Variants in IFFO1 observed in about 807,000 individuals in gnomAD.
IFFO1 encodes non-homologous end joining factor IFFO1.
A neutral mutation model predicts 59.6 loss-of-function variants in IFFO1; 42 were observed. The observed-to-expected ratio is 0.70, with a 90% CI of 0.55 to 0.91. The LOEUF (loss-of-function observed/expected upper bound fraction) is 0.91. Among genes scored for constraint, IFFO1 ranks in the 40% least tolerant of loss-of-function variants. The pLI is 0.00. For synonymous variants in IFFO1, 336 were observed against 342.8 expected (o/e 0.98, Z 0.22); for missense variants, 711 against 793.2 (o/e 0.90, Z 1.24).
intron 8 of IFFO1, among the ~76,000 whole-genome samples, chr12:6,543,284 G>A (rs1363778163): frequency 6.6e-6 from 1 of 152,096 alleles, no homozygotes; most frequent in African/African-American, 2.4e-5. Context: ...CCAAACCCCA[G>A]GCCACGGACC....
chr12:6,540,382 G>C lies in IFFO1; in HGVS notation c.*101C>G. ...CGCCCCAGTCCCCAGGGACCGGCCT[G>C]GTGCAGAGCTGCAGCTGATGTTCCC... On this transcript the variant is annotated 3_prime_UTR_variant, in exon 10 of 10. Coordinates refer to ENST00000619571, the MANE Select transcript of IFFO1 (RefSeq NM_001193457.2). The C allele has an allele frequency of 1.0e-6, 1 of 979,094 alleles. No homozygotes were observed. Among genetic ancestry groups the C allele is most frequent in the South Asian group, 1.3e-5 (1 of 76,778 alleles). The allele number at this position is 979,094 out of a possible 1,614,324, so 60.7% of individuals were successfully genotyped here.
chr12:6,549,668 A>T lies in IFFO1; in HGVS notation c.1071+88T>A. The T allele has an allele frequency of 1.3e-6, 2 of 1,530,264 alleles. No individual in the cohort carries two copies. Among genetic ancestry groups the T allele is most frequent in the Admixed American group, 1.8e-5 (1 of 55,950 alleles). 94.8% of individuals were successfully genotyped at this position (1,530,264 alleles called of 1,614,324 possible). On this transcript the variant is annotated intron_variant, in intron 4 of 9. Transcript: ENST00000619571. The surrounding 1 kb of genome is among the most constrained non-coding windows in gnomAD (Gnocchi z 5.0). ...TGCCAGGTAAGGCTCCCCAAGCAGG[A>T]GGCAGGGCCTGCGTTCCAGGCCAGC...
At chr12:6,554,716 A>C (rs1187865950) in intron 1 of IFFO1, among the ~76,000 whole-genome samples, 2 of 152,328 alleles carry the variant, frequency 1.3e-5, no homozygotes, top group East Asian at 3.9e-4. Context: ...CTACTCAAGC[A>C]ATGGCTTGAG....
Position 6,548,311 on chromosome 12 carries a change from G to T in IFFO1, c.1383+114C>A. 1.5e-6 allele frequency: 2 copies of T among 1,341,214 alleles called. No individual in the cohort carries two copies. The highest frequency in any genetic ancestry group is 2.1e-6 in the Non-Finnish European group (2 of 951,290). 83.1% of individuals were successfully genotyped at this position (1,341,214 alleles called of 1,614,324 possible). A position where few individuals can be genotyped will look rare whatever the true frequency, so the allele number is the denominator to read the frequency against. ...AAAAGGATAAAGGAAGAGGGGAGAC[G>T]CAGGTAGAGGATGACAGCCACATGG... On this transcript the variant is annotated intron_variant, in intron 7 of 9. Coordinates refer to ENST00000619571, the MANE Select transcript of IFFO1 (RefSeq NM_001193457.2). The surrounding 1 kb of genome is among the most constrained non-coding windows in gnomAD (Gnocchi z 6.1).
downstream of IFFO1, chr12:6,539,521 A>C (rs1480087032): frequency 6.6e-6 from 1 of 152,140 alleles, no homozygotes; most frequent in Admixed American, 6.5e-5. Flanking sequence ...AGACAGTGAC[A>C]CCAAAGTGCA....
chr12:6,539,332 G>A (rs1209821706), downstream of IFFO1: 1 of 152,112 alleles, frequency 6.6e-6, no homozygotes, highest in Non-Finnish European at 1.5e-5. Context: ...CATGCCTATA[G>A]TCCCAGCTAC....
chr12:6,547,149 C>A (rs1486421920), intron 8 of IFFO1, among the ~76,000 whole-genome samples: 1 of 152,126 alleles, frequency 6.6e-6, no homozygotes, highest in African/African-American at 2.4e-5. Context: ...GTGGCTCATG[C>A]CTGTAATCCC....
chr12:6,550,692 C>T lies in IFFO1; in HGVS notation c.930+3G>A. ...CCCTCGGGAAGCCTGGGGCTGCACT[C>T]ACGTTACTCATGAGCCCCTTGAAGA... On this transcript the variant is annotated splice_donor_region_variant and intron_variant, in intron 3 of 9. Coordinates refer to ENST00000619571, the MANE Select transcript of IFFO1 (RefSeq NM_001193457.2). 1 of 1,612,650 alleles carries T rather than the reference C, an allele frequency of 6.2e-7. No individual in the cohort carries two copies. Among genetic ancestry groups the T allele is most frequent in the Non-Finnish European group, 8.5e-7 (1 of 1,178,662 alleles).
rs1381654769 is a variant in IFFO1, at chr12:6,548,040, C to T, written c.1479+25G>A. On this transcript the variant is annotated intron_variant, in intron 8 of 9. Transcript: ENST00000619571. The surrounding 1 kb of genome is among the most constrained non-coding windows in gnomAD (Gnocchi z 6.1). ...CTCAAAACCCTCTGGGACACCACGC[C>T]CCTGGCTTCCGCTCCTGCCCTTACC... 2 of 1,578,618 alleles carry T rather than the reference C, an allele frequency of 1.3e-6. No individual in the cohort carries two copies. Among genetic ancestry groups the T allele is most frequent in the Admixed American group, 3.3e-5 (2 of 59,988 alleles).
intron 1 of IFFO1, among the ~76,000 whole-genome samples, chr12:6,552,902 A>G (rs1301750983): frequency 6.6e-6 from 1 of 152,178 alleles, no homozygotes; most frequent in Non-Finnish European, 1.5e-5. Flanking sequence ...GCAGAATTTG[A>G]GAGCGATATC....
rs1947371022 is a variant in IFFO1, at chr12:6,555,006, G to C, written c.773+251C>G. Among the ~76,000 whole-genome samples the C allele has an allele frequency of 6.6e-6, 1 of 152,252 alleles. No homozygotes were observed. The highest frequency in any genetic ancestry group is 2.1e-4 in the South Asian group (1 of 4,836). ...AACCCGCAGTTAAGCCTGGATGGCA[G>C]AGACAAGCCGGAAAAGTAGGAATCC... On this transcript the variant is annotated intron_variant, in intron 1 of 9. Transcript: ENST00000619571. This position sits in a 1 kb window ranked among gnomAD's most constrained non-coding sequence, Gnocchi z 8.6.
intron 8 of IFFO1, among the ~76,000 whole-genome samples, chr12:6,547,779 A>AGAAAGGAAAG (rs200410481): frequency 2.6e-5 from 4 of 151,350 alleles, no homozygotes; most frequent in African/African-American, 4.9e-5. Flanking sequence ...AAGGAAGGAA[A>AGAAAGGAAAG]GAAAGGAAAG....
At chr12:6,554,696 G>A (rs991716731) in intron 1 of IFFO1, among the ~76,000 whole-genome samples, 8 of 152,268 alleles carry the variant, frequency 5.3e-5, no homozygotes, top group Middle Eastern at 3.4e-3. Flanking sequence ...TCTTTTCCCA[G>A]TTTGTTGACC....
At chr12:6,550,223 AAG>A in intron 3 of IFFO1, 1 of 345,430 alleles carries the variant, frequency 2.9e-6, no homozygotes, top group Non-Finnish European at 5.3e-6. Context: ...CCCAGAGAGA[AAG>A]AGACTCCTGG....
At chr12:6,552,327 G>A (rs1018166646) in intron 1 of IFFO1, among the ~76,000 whole-genome samples, 1 of 152,084 alleles carries the variant, frequency 6.6e-6, no homozygotes, top group African/African-American at 2.4e-5. Context: ...AGCAGGAGGA[G>A]GCAGCCAGCC....
chr12:6,539,206 CTT>C (rs1946581853), downstream of IFFO1: 2 of 152,266 alleles, frequency 1.3e-5, no homozygotes, highest in Admixed American at 1.3e-4. Flanking sequence ...AACCCCAGCA[CTT>C]TGGGAGGCCA....
At chr12:6,554,750 C>T (rs1043788809) in intron 1 of IFFO1, among the ~76,000 whole-genome samples, 1 of 152,242 alleles carries the variant, frequency 6.6e-6, no homozygotes, top group African/African-American at 2.4e-5. Context: ...TCCTATGAAA[C>T]CACAGCAGGT....
chr12:6,549,822 G>A lies in IFFO1; in HGVS notation c.1005C>T (p.Asp335=), dbSNP rs1444115534. 1.1e-5 allele frequency: 17 copies of A among 1,614,098 alleles called. No homozygotes were observed. The highest frequency in any genetic ancestry group is 4.0e-5 in the African/African-American group (3 of 74,942). The change falls in exon 4 of 10, where the codon GAC becomes GAT. Residue 335 remains aspartate, a synonymous_variant. Coordinates refer to ENST00000619571, the MANE Select transcript of IFFO1 (RefSeq NM_001193457.2). The surrounding 1 kb of genome is among the most constrained non-coding windows in gnomAD (Gnocchi z 5.0). ...CCACATCGCAGAGCTTGGCGGTGATGTCGATGCGGCGGCAGATGTCCATAT... is the reference window on the plus strand; with the variant it reads ...CCACATCGCAGAGCTTGGCGGTGATATCGATGCGGCGGCAGATGTCCATAT... ...KVDMDICRRI[D]ITAKLCDVAQ...
intron 3 of IFFO1, 110 bp from the exon 4 acceptor site, chr12:6,550,006 T>C: frequency 1.7e-6 from 2 of 1,198,130 alleles, no homozygotes; most frequent in Non-Finnish European, 2.3e-6. Context: ...CGGTGCCTCT[T>C]CTGTGGAGTC....
Sources: gnomAD v4.1 joint callset for allele counts (sites outside exome capture counted in the v4.1 genomes callset) on GRCh38, gnomAD v4.1.1 for gene constraint, Gnocchi (gnomAD v3.1) non-coding constraint, MANE v1.5 for transcripts, NCBI Gene and HGNC (gene_info 2026-07-23, HGNC 2026-07-21) for gene names.